The following RALYL variants were observed in gnomAD, a reference collection of about 807,000 sequenced individuals.
The protein encoded by RALYL is RALY RNA binding protein like.
RALYL carries 29 observed loss-of-function variants against 35.1 expected under a neutral mutation model. The ratio of observed to expected loss-of-function variants is 0.83; its 90% CI spans 0.61 to 1.13. RALYL has a LOEUF of 1.13. Among genes scored for constraint, RALYL ranks in the 50% most tolerant of loss-of-function variants. The pLI is 0.00. For synonymous variants in RALYL, 120 were observed against 127.6 expected (o/e 0.94, Z 0.40); for missense variants, 359 against 360.4 (o/e 1.00, Z 0.03).
At chr8:84,726,314 A>G (rs1326469633) in intron 2 of RALYL, among the ~76,000 whole-genome samples, 1 of 146,914 alleles carries the variant, frequency 6.8e-6, no homozygotes. Context: ...ATATATTTAT[A>G]AATATATAAT....
intron 1 of RALYL, among the ~76,000 whole-genome samples, chr8:84,425,142 C>T (rs1285909052): frequency 9.2e-5 from 14 of 152,316 alleles, no homozygotes; most frequent in Admixed American, 6.5e-4. Flanking sequence ...GACGCCCCTC[C>T]CCCAGCCTCG....
intron 1 of RALYL, among the ~76,000 whole-genome samples, chr8:84,515,281 C>G (rs2057967314): frequency 6.6e-6 from 1 of 152,024 alleles, no homozygotes; most frequent in African/African-American, 2.4e-5. Flanking sequence ...GGGAATCACT[C>G]CCTGTCTAAT....
chr8:84,580,345 C>A (rs1030169147), intron 2 of RALYL, among the ~76,000 whole-genome samples: 1 of 152,308 alleles, frequency 6.6e-6, no homozygotes, highest in African/African-American at 2.4e-5. Context: ...GCTTACAGTT[C>A]AGCAGGCTGT....
intron 2 of RALYL, among the ~76,000 whole-genome samples, chr8:84,545,161 C>T (rs1398975638): frequency 6.6e-6 from 1 of 152,072 alleles, no homozygotes; most frequent in East Asian, 1.9e-4. Flanking sequence ...TATCCAGCTA[C>T]ACCATCATCA....
At chr8:84,368,433 C>T (rs1264803591) in intron 1 of RALYL, among the ~76,000 whole-genome samples, 5 of 151,914 alleles carry the variant, frequency 3.3e-5, no homozygotes, top group African/African-American at 4.8e-5. Context: ...GTGCATATAC[C>T]ATGTTTTACG....
chr8:84,624,887 T>G (rs1822386465), intron 2 of RALYL, among the ~76,000 whole-genome samples: 1 of 152,168 alleles, frequency 6.6e-6, no homozygotes, highest in African/African-American at 2.4e-5. Context: ...CTCCCAAAAT[T>G]TCTCCTAAAC....
At chr8:84,649,858 A>G (rs1828340507) in intron 2 of RALYL, among the ~76,000 whole-genome samples, 1 of 152,102 alleles carries the variant, frequency 6.6e-6, no homozygotes, top group Non-Finnish European at 1.5e-5. Context: ...TTGAATCTAT[A>G]AATTACCTTG....
chr8:84,671,933 C>T (rs536052509), intron 2 of RALYL, among the ~76,000 whole-genome samples: 3 of 152,298 alleles, frequency 2.0e-5, no homozygotes, highest in African/African-American at 7.2e-5. Context: ...ATGGGTTTTT[C>T]TTTTCTATTG....
intron 2 of RALYL, among the ~76,000 whole-genome samples, chr8:84,559,668 A>C (rs965636361): frequency 3.6e-4 from 55 of 152,252 alleles, no homozygotes; most frequent in African/African-American, 1.2e-3. Context: ...AAGAGTAAGC[A>C]AAGATCTGGC....
chr8:84,822,120 C>G (rs569469069), intron 4 of RALYL, among the ~76,000 whole-genome samples: 10 of 152,168 alleles, frequency 6.6e-5, no homozygotes, highest in African/African-American at 2.4e-4. Context: ...CAGATACTGG[C>G]TAAATTATCA....
chr8:84,285,274 A>G (rs1396491291), intron 1 of RALYL, among the ~76,000 whole-genome samples: 1 of 152,244 alleles, frequency 6.6e-6, no homozygotes, highest in African/African-American at 2.4e-5. Flanking sequence ...TATTCTTACT[A>G]GAGTTCAAAG....
At chr8:84,631,779 T>G (rs1306498200) in intron 2 of RALYL, among the ~76,000 whole-genome samples, 1 of 151,960 alleles carries the variant, frequency 6.6e-6, no homozygotes, top group Non-Finnish European at 1.5e-5. Flanking sequence ...ATATAATTGA[T>G]GGCATTAGGA....
At chr8:84,627,651 T>G (rs1227907357) in intron 2 of RALYL, among the ~76,000 whole-genome samples, 1 of 151,732 alleles carries the variant, frequency 6.6e-6, no homozygotes, top group African/African-American at 2.4e-5. Flanking sequence ...TTTCTCTGTA[T>G]TCTGTTAAAT....
chr8:84,482,909 T>C (rs2054198803), intron 1 of RALYL, among the ~76,000 whole-genome samples: 1 of 152,088 alleles, frequency 6.6e-6, no homozygotes, highest in Admixed American at 6.6e-5. Flanking sequence ...TATATAGCCA[T>C]GAAGTGAAAA....
At chr8:84,495,158 G>T (rs711028) in intron 1 of RALYL, among the ~76,000 whole-genome samples, 60,692 of 151,838 alleles carry the variant, frequency 0.4, 12,457 homozygotes, top group East Asian at 0.52. Context: ...AGATAATCAT[G>T]TGGTTTTTGT....
At chr8:84,424,302 A>C (rs2046067744) in intron 1 of RALYL, among the ~76,000 whole-genome samples, 1 of 127,806 alleles carries the variant, frequency 7.8e-6, no homozygotes, top group African/African-American at 3.2e-5. Flanking sequence ...CATTCATTTC[A>C]TCTTCCATTG....
chr8:84,561,634 G>A (rs1919879), intron 2 of RALYL, among the ~76,000 whole-genome samples: 10,185 of 151,742 alleles, frequency 0.067, 803 homozygotes, highest in African/African-American at 0.19. Context: ...TTGCACTTTG[G>A]GGCCATTATT....
intron 2 of RALYL, among the ~76,000 whole-genome samples, chr8:84,564,936 C>T (rs552309758): frequency 5.3e-5 from 8 of 151,616 alleles, no homozygotes; most frequent in South Asian, 2.1e-4. Context: ...CTGCTCATGC[C>T]GCATTCATGC....
intron 1 of RALYL, among the ~76,000 whole-genome samples, chr8:84,524,660 T>C (rs2058735271): frequency 6.6e-6 from 1 of 152,162 alleles, no homozygotes; most frequent in Non-Finnish European, 1.5e-5. Context: ...CTTTAATTTA[T>C]AATAAATGTA....
Sources: gnomAD v4.1 joint callset for allele counts (sites outside exome capture counted in the v4.1 genomes callset) on GRCh38, gnomAD v4.1.1 for gene constraint, MANE v1.5 for transcripts, NCBI Gene and HGNC (gene_info 2026-07-23, HGNC 2026-07-21) for gene names.